PLPP7: variants seen among roughly 807,000 people sequenced by gnomAD.
PLPP7 encodes the protein phospholipid phosphatase 7 (inactive).
Under a neutral mutation model 16.9 loss-of-function variants are expected in PLPP7, and 11 were observed. That is an observed-to-expected ratio of 0.65 (90% CI 0.41 to 1.08). The LOEUF is 1.08. Among genes scored for constraint, PLPP7 ranks in the 50% least tolerant of loss-of-function variants. The pLI is 0.00. For synonymous variants in PLPP7, 174 were observed against 175.1 expected (o/e 0.99, Z 0.05); for missense variants, 358 against 397.1 (o/e 0.90, Z 0.84).
chr9:131,300,416 G>A lies in PLPP7; in HGVS notation c.452-7507G>A, dbSNP rs12335683. Among the ~76,000 whole-genome samples, 533 of 152,210 alleles carry A rather than the reference G, an allele frequency of 3.5e-3. 6 individuals are homozygous for A. Among genetic ancestry groups the A allele is most frequent in the African/African-American group, 0.012 (504 of 41,530 alleles). On this transcript the variant is annotated intron_variant, in intron 1 of 1. Transcript: ENST00000372264. ...AGATTTGAAAGGAGCCAGGCACAGCGGCTCACACCTGTAATCTCAGCACTT... is the reference window on the plus strand; with the variant it reads ...AGATTTGAAAGGAGCCAGGCACAGCAGCTCACACCTGTAATCTCAGCACTT...
Sources: allele counts gnomAD v4.1 joint callset (sites outside exome capture counted in the v4.1 genomes callset), GRCh38; gene constraint gnomAD v4.1.1; transcripts MANE v1.5; gene names NCBI Gene and HGNC (gene_info 2026-07-23, HGNC 2026-07-21).